The following SMG6 variants were observed in gnomAD, a reference collection of about 807,000 sequenced individuals.
The protein encoded by SMG6 is telomerase-binding protein EST1A.
In SMG6, 66 loss-of-function variants were observed where a neutral mutation model predicts 142.2. The ratio of observed to expected loss-of-function variants is 0.46; its 90% CI spans 0.38 to 0.57. The LOEUF (loss-of-function observed/expected upper bound fraction) is 0.57, where lower values mean the gene tolerates loss of function less well. Among genes scored for constraint, SMG6 ranks in the 20% least tolerant of loss-of-function variants. The probability of loss-of-function intolerance (pLI) is 0.00; values close to 1 mark genes in which losing one functional copy is unlikely to be tolerated. For synonymous variants in SMG6, 779 were observed against 702.4 expected, an observed-to-expected ratio of 1.11 and a Z score of -1.72; for missense variants, 1,793 against 1,832.0, an observed-to-expected ratio of 0.98 and a Z score of 0.39.
intron 10 of SMG6, among the ~76,000 whole-genome samples, chr17:2,192,510 C>T (rs915681845): frequency 2.0e-5 from 3 of 152,198 alleles, no homozygotes; most frequent in Non-Finnish European, 4.4e-5. Context: ...ATCTGCCTGG[C>T]TGCATCACTA....
intron 6 of SMG6, among the ~76,000 whole-genome samples, chr17:2,290,014 T>G (rs999812078): frequency 6.6e-6 from 1 of 150,924 alleles, no homozygotes; most frequent in Non-Finnish European, 1.5e-5. Flanking sequence ...TTTCTCCCAA[T>G]AGCAAATCAG....
chr17:2,156,939 T>C (rs1317601575), intron 13 of SMG6, among the ~76,000 whole-genome samples: 5 of 152,164 alleles, frequency 3.3e-5, no homozygotes, highest in African/African-American at 9.7e-5. Context: ...AGGCATGGTG[T>C]CACCGGGTGT....
intron 8 of SMG6, among the ~76,000 whole-genome samples, chr17:2,249,499 T>C (rs2074001242): frequency 6.6e-6 from 1 of 152,078 alleles, no homozygotes; most frequent in African/African-American, 2.4e-5. Context: ...GTTCTCACTT[T>C]GTTGCCCAGG....
chr17:2,256,207 GA>G (rs778009423), intron 8 of SMG6: 1,457 of 141,212 alleles, frequency 0.01, 13 homozygotes, highest in Non-Finnish European at 0.016. Flanking sequence ...TAAATAAGAA[GA>G]AAAAAAAAAA....
rs777483170 is a variant in SMG6, at chr17:2,299,908, C to A, written c.845G>T (p.Arg282Leu). Residue 282 changes from arginine to leucine, a missense_variant, in exon 2 of 19, where the codon CGA becomes CTA. By Grantham distance (102) the Arg-to-Leu change is moderately radical. Coordinates refer to ENST00000263073, the MANE Select transcript of SMG6 (RefSeq NM_017575.5). This position sits in a 1 kb window ranked among gnomAD's most constrained non-coding sequence, Gnocchi z 4.3. Reference protein sequence around the residue: ...GLTDNGCRRRRQDRTKERPRL... With the variant: ...GLTDNGCRRRLQDRTKERPRL... ...TGGCCTCTCCTTGGTCCTATCCTGT[C>A]GGCGGCGGCGACATCCATTATCCGT... 4.3e-6 allele frequency: 7 copies of A among 1,611,512 alleles called. No homozygotes were observed. Among genetic ancestry groups the A allele is most frequent in the Non-Finnish European group, 5.9e-6 (7 of 1,177,750 alleles).
At chr17:2,222,305 A>G (rs1192584024) in intron 10 of SMG6, among the ~76,000 whole-genome samples, 2 of 151,940 alleles carry the variant, frequency 1.3e-5, no homozygotes, top group African/African-American at 2.4e-5. Flanking sequence ...GTTAAATAGG[A>G]TGGTTGGGGC....
At chr17:2,291,158 C>T (rs951694099) in intron 6 of SMG6, among the ~76,000 whole-genome samples, 1 of 152,046 alleles carries the variant, frequency 6.6e-6, no homozygotes, top group African/African-American at 2.4e-5. Context: ...AATGAAACCC[C>T]GTCTCTACTA....
chr17:2,237,522 T>C lies in SMG6; in HGVS notation c.2724-885A>G, dbSNP rs1031986465. 16 of 985,534 alleles carry C rather than the reference T, an allele frequency of 1.6e-5. No homozygotes were observed. The African/African-American group carries it at 2.8e-4, about 17-fold the overall frequency. The allele number at this position is 985,534 out of a possible 1,614,324, so 61.0% of individuals were successfully genotyped here. On this transcript the variant is annotated intron_variant, in intron 9 of 18. Coordinates refer to ENST00000263073, the MANE Select transcript of SMG6 (RefSeq NM_017575.5). ...AGAAGCCCCCAGTCATCTGTCTCAG[T>C]TCTTCGTGTGTTGCCGTCCTCCTCC...
chr17:2,069,918 T>A (rs1479981492), intron 15 of SMG6, among the ~76,000 whole-genome samples: 1 of 152,238 alleles, frequency 6.6e-6, no homozygotes, highest in African/African-American at 2.4e-5. Context: ...ACTTTGTCAC[T>A]TTTTTTCTTA....
At chr17:2,104,421 G>C (rs2069098236) in intron 13 of SMG6, among the ~76,000 whole-genome samples, 1 of 152,076 alleles carries the variant, frequency 6.6e-6, no homozygotes, top group African/African-American at 2.4e-5. Context: ...TAAAGCACTT[G>C]GGTATTTATT....
chr17:2,292,254 C>G (rs1159547309), intron 6 of SMG6, among the ~76,000 whole-genome samples: 1 of 152,152 alleles, frequency 6.6e-6, no homozygotes, highest in African/African-American at 2.4e-5. Context: ...AGAATCAAGA[C>G]AAAATTCAGA....
chr17:2,160,279 GT>G (rs1485926669), intron 13 of SMG6, among the ~76,000 whole-genome samples: 1 of 152,096 alleles, frequency 6.6e-6, no homozygotes, highest in East Asian at 1.9e-4. Context: ...GAGTGCAGTG[GT>G]GCAATCTCAG....
intron 10 of SMG6, among the ~76,000 whole-genome samples, chr17:2,188,956 T>C (rs1288188727): frequency 5.3e-5 from 8 of 152,230 alleles, no homozygotes; most frequent in Admixed American, 5.2e-4. Context: ...TCTACTGCCA[T>C]ACCACCCTGA....
chr17:2,282,115 C>T (rs923550481), intron 8 of SMG6, among the ~76,000 whole-genome samples: 2 of 151,938 alleles, frequency 1.3e-5, no homozygotes, highest in African/African-American at 2.4e-5. Context: ...GGCACACTGT[C>T]GATAATTACT....
chr17:2,076,430 C>T lies in SMG6; in HGVS notation c.3681+5380G>A, dbSNP rs1268627294. Among the ~76,000 whole-genome samples, 7 of 152,308 alleles carry T rather than the reference C, an allele frequency of 4.6e-5. No individual in the cohort carries two copies. The South Asian group carries it at 6.2e-4, about 14-fold the overall frequency. On this transcript the variant is annotated intron_variant, in intron 15 of 18. Transcript: ENST00000263073. Reference sequence around the variant, plus strand: ...TTATACCTTTTCCTTGGATTTTCCCCCCTTAAATTAAACAAAAAGAGGAAA... The same window carrying T: ...TTATACCTTTTCCTTGGATTTTCCCTCCTTAAATTAAACAAAAAGAGGAAA...
rs117985266 is a variant in SMG6, at chr17:2,161,481, G to A, written c.3357+11177C>T. Among the ~76,000 whole-genome samples the A allele has an allele frequency of 1.5e-3, 232 of 151,066 alleles. 3 individuals are homozygous for A. Among genetic ancestry groups the A allele is most frequent in the East Asian group, 0.015 (75 of 5,162 alleles). ...GGCTGGAGTGCAATGGTGCGACCTC[G>A]GCTCACTAATCTTCAGGTTTTCATA... On this transcript the variant is annotated intron_variant, in intron 13 of 18. Transcript: ENST00000263073.
At chr17:2,206,999 C>T (rs192574016) in intron 10 of SMG6, among the ~76,000 whole-genome samples, 83 of 151,484 alleles carry the variant, frequency 5.5e-4, no homozygotes, top group African/African-American at 1.0e-3. Flanking sequence ...AGGTCAGGCA[C>T]GGTGGCTCAT....
At chr17:2,127,751 G>A (rs1281987028) in intron 13 of SMG6, 2 of 558,310 alleles carry the variant, frequency 3.6e-6, no homozygotes, top group Admixed American at 1.9e-5. Flanking sequence ...TGTAGTTTGA[G>A]TTTTATTTTC....
chr17:2,085,588 C>T lies in SMG6; in HGVS notation c.3534+137G>A. On this transcript the variant is annotated intron_variant, in intron 14 of 18. Coordinates refer to ENST00000263073, the MANE Select transcript of SMG6 (RefSeq NM_017575.5). The surrounding 1 kb of genome is among the most constrained non-coding windows in gnomAD (Gnocchi z 4.1). The stretch of plus-strand genomic sequence containing the variant: ...GGAAGGGGCACCATCAGAGCACACT[C>T]TCGAGAAGCTGGCTGGTCACATTAA... 1 of 887,744 alleles carries T rather than the reference C, an allele frequency of 1.1e-6. No homozygotes were observed. Among genetic ancestry groups the T allele is most frequent in the Non-Finnish European group, 1.7e-6 (1 of 576,006 alleles). 55.0% of individuals were successfully genotyped at this position (887,744 alleles called of 1,614,324 possible).
Sources: allele counts gnomAD v4.1 joint callset (sites outside exome capture counted in the v4.1 genomes callset), GRCh38; gene constraint gnomAD v4.1.1; non-coding constraint Gnocchi (gnomAD v3.1); transcripts MANE v1.5; gene names NCBI Gene and HGNC (gene_info 2026-07-23, HGNC 2026-07-21).